MCPH1: variants seen among roughly 807,000 people sequenced by gnomAD.
MCPH1 encodes microcephalin 1.
A neutral mutation model predicts 84.5 loss-of-function variants in MCPH1; 104 were observed. The ratio of observed to expected loss-of-function variants is 1.23; its 90% CI spans 1.05 to 1.45. MCPH1 has a LOEUF of 1.45. Among genes scored for constraint, MCPH1 ranks in the 40% most tolerant of loss-of-function variants. MCPH1 has a pLI of 0.00. For synonymous variants in MCPH1, 514 were observed against 366.8 expected (o/e 1.40, Z -4.58); for missense variants, 1,498 against 1,005.7 (o/e 1.49, Z -6.62).
intron 1 of MCPH1, 48 bp from the exon 2 acceptor site, chr8:6,409,231 G>C: frequency 6.9e-7 from 1 of 1,450,004 alleles, no homozygotes; most frequent in South Asian, 1.1e-5. Context: ...TTGGGCAGGG[G>C]ATGCTGGAAT....
intron 12 of MCPH1, among the ~76,000 whole-genome samples, chr8:6,581,272 C>T (rs937932372): frequency 1.3e-5 from 2 of 152,220 alleles, no homozygotes; most frequent in South Asian, 4.1e-4. Context: ...TTATATCCTA[C>T]TGTTCAAGGT....
At chr8:6,446,627 C>A in intron 8 of MCPH1, 2 of 980,388 alleles carry the variant, frequency 2.0e-6, no homozygotes, top group Middle Eastern at 5.3e-4. Context: ...AATGTTGACT[C>A]AAAAGTTAAT....
At chr8:6,598,424 C>T (rs1829091237) in intron 12 of MCPH1, among the ~76,000 whole-genome samples, 1 of 152,088 alleles carries the variant, frequency 6.6e-6, no homozygotes. Flanking sequence ...CAGCTCTGAG[C>T]CTCAGACATG....
intron 12 of MCPH1, among the ~76,000 whole-genome samples, chr8:6,572,881 G>A (rs1414820010): frequency 6.6e-6 from 1 of 152,162 alleles, no homozygotes; most frequent in African/African-American, 2.4e-5. Flanking sequence ...ACCACGTAAG[G>A]GCTACGTGAA....
intron 12 of MCPH1, among the ~76,000 whole-genome samples, chr8:6,512,060 A>G (rs1416041779): frequency 1.3e-5 from 2 of 152,030 alleles, no homozygotes; most frequent in Non-Finnish European, 2.9e-5. Context: ...TGAGGCCCAA[A>G]CACCTATCTT....
intron 13 of MCPH1, among the ~76,000 whole-genome samples, chr8:6,632,147 C>T (rs1203843320): frequency 1.3e-5 from 2 of 152,182 alleles, no homozygotes; most frequent in Non-Finnish European, 2.9e-5. Flanking sequence ...GTCACAGAGA[C>T]AAACTATAGT....
chr8:6,474,687 A>G lies in MCPH1; in HGVS notation c.1936-2907A>G, dbSNP rs147651739. Among the ~76,000 whole-genome samples, 948 of 152,318 alleles carry G rather than the reference A, an allele frequency of 6.2e-3. 11 individuals are homozygous for G. Among genetic ancestry groups the G allele is most frequent in the Non-Finnish European group, 0.01 (690 of 68,034 alleles). ...AAATCTGTATAGCTTTTGTAAGAAC[A>G]TGTAAAAGTAGAATAGCAATGTATA... On this transcript the variant is annotated intron_variant, in intron 9 of 13. Transcript: ENST00000344683.
rs975534287 is a variant in MCPH1, at chr8:6,406,771, C to T, written c.22+82C>T. ...CGTCGCGGGCGCACTCGGGGGATCC[C>T]GTGGGAGGAGCCCCGCTCGCCCCTC... On this transcript the variant is annotated intron_variant, in intron 1 of 13. Coordinates refer to ENST00000344683, the MANE Select transcript of MCPH1 (RefSeq NM_024596.5). 4.7e-6 allele frequency: 7 copies of T among 1,494,310 alleles called. No homozygotes were observed. In the African/African-American group the frequency reaches 9.6e-5, roughly 21 times the overall value. 92.6% of individuals were successfully genotyped at this position (1,494,310 alleles called of 1,614,324 possible).
intron 2 of MCPH1, among the ~76,000 whole-genome samples, chr8:6,412,286 G>A (rs1798647933): frequency 6.6e-6 from 1 of 152,166 alleles, no homozygotes; most frequent in Admixed American, 6.5e-5. Flanking sequence ...GGATGAGGAG[G>A]AACTACTGTG....
Position 6,533,569 on chromosome 8 carries a change from CTTTTTTTT to C in MCPH1, c.2214+33656_2214+33663del, listed in dbSNP as rs56882906. The stretch of plus-strand genomic sequence containing the variant: ...ACTCCAGATACTTAGCGTTTAGTTT[CTTTTTTTT>C]TTTTTTTTTTTTTTTAAATAATCTA... On this transcript the variant is annotated intron_variant, in intron 12 of 13. Transcript: ENST00000344683. Among the ~76,000 whole-genome samples, 16 of 113,352 alleles carry C rather than the reference CTTTTTTTT, an allele frequency of 1.4e-4. No individual in the cohort carries two copies. In the South Asian group the frequency reaches 4.4e-3, roughly 31 times the overall value. 74.4% of individuals were successfully genotyped at this position (113,352 alleles called of 152,430 possible). A position where few individuals can be genotyped will look rare whatever the true frequency, so the allele number is the denominator to read the frequency against.
intron 12 of MCPH1, among the ~76,000 whole-genome samples, chr8:6,605,778 A>G (rs888181611): frequency 1.3e-5 from 2 of 152,048 alleles, no homozygotes; most frequent in Non-Finnish European, 2.9e-5. Flanking sequence ...GCTCACTGCA[A>G]CCTCCACCTC....
chr8:6,619,449 C>T (rs1055564489), intron 12 of MCPH1, among the ~76,000 whole-genome samples: 1 of 151,972 alleles, frequency 6.6e-6, no homozygotes, highest in African/African-American at 2.4e-5. Context: ...TACCAAAATG[C>T]TCGGCTAGTT....
intron 13 of MCPH1, among the ~76,000 whole-genome samples, chr8:6,630,449 TCTAAA>T: frequency 6.6e-6 from 1 of 152,032 alleles, no homozygotes; most frequent in South Asian, 2.1e-4. Context: ...AAATAGAAAA[TCTAAA>T]CAAGCTCAAG....
chr8:6,449,893 G>T (rs781618372), intron 8 of MCPH1, among the ~76,000 whole-genome samples: 4 of 152,122 alleles, frequency 2.6e-5, no homozygotes, highest in Admixed American at 1.3e-4. Flanking sequence ...AGTTAAAGCC[G>T]ACTGGTCATC....
At chr8:6,435,176 T>C (rs1585741965) in intron 4 of MCPH1, among the ~76,000 whole-genome samples, 1 of 152,184 alleles carries the variant, frequency 6.6e-6, no homozygotes, top group South Asian at 2.1e-4. Context: ...AGGGCAAGCA[T>C]AATCATGGTT....
intron 3 of MCPH1, among the ~76,000 whole-genome samples, chr8:6,425,190 G>C (rs183641189): frequency 1.3e-5 from 2 of 152,352 alleles, no homozygotes; most frequent in East Asian, 1.9e-4. Flanking sequence ...TTCCCGAGGA[G>C]AACGTTGCTG....
At chr8:6,408,831 G>C (rs887136143) in intron 1 of MCPH1, among the ~76,000 whole-genome samples, 14 of 152,056 alleles carry the variant, frequency 9.2e-5, no homozygotes, top group South Asian at 6.2e-4. Context: ...CCAGAGTGCT[G>C]CAATTACAGC....
At chr8:6,552,292 C>T (rs1437438654) in intron 12 of MCPH1, among the ~76,000 whole-genome samples, 5 of 152,174 alleles carry the variant, frequency 3.3e-5, no homozygotes, top group Admixed American at 6.5e-5. Context: ...TTACATATGA[C>T]GATGGAATGT....
chr8:6,607,234 G>T (rs1241382039), intron 12 of MCPH1, among the ~76,000 whole-genome samples: 1 of 152,148 alleles, frequency 6.6e-6, no homozygotes, highest in East Asian at 1.9e-4. Flanking sequence ...TGTCTCTGAA[G>T]ACACAGAGCA....
Sources: allele counts gnomAD v4.1 joint callset (sites outside exome capture counted in the v4.1 genomes callset), GRCh38; gene constraint gnomAD v4.1.1; transcripts MANE v1.5; gene names NCBI Gene and HGNC (gene_info 2026-07-23, HGNC 2026-07-21).